CAMK1D: variants seen among roughly 807,000 people sequenced by gnomAD.
CAMK1D encodes calcium/calmodulin-dependent protein kinase type 1D.
CAMK1D carries 9 observed loss-of-function variants against 47.7 expected under a neutral mutation model. The observed-to-expected ratio is 0.19, with a 90% CI of 0.11 to 0.33. The LOEUF (loss-of-function observed/expected upper bound fraction) is 0.33. Among genes scored for constraint, CAMK1D ranks in the 10% least tolerant of loss-of-function variants. The probability of loss-of-function intolerance (pLI) is 1.00; values close to 1 mark genes in which losing one functional copy is unlikely to be tolerated. For synonymous variants in CAMK1D, 184 were observed against 184.9 expected (o/e 0.99, Z 0.04); for missense variants, 291 against 488.7 (o/e 0.60, Z 3.81).
intron 6 of CAMK1D, among the ~76,000 whole-genome samples, chr10:12,796,967 G>A (rs1372343841): frequency 6.6e-6 from 1 of 152,236 alleles, no homozygotes; most frequent in African/African-American, 2.4e-5. Context: ...AATTGGATAT[G>A]CATGTCAGCA....
At chr10:12,492,012 T>C (rs996210464) in intron 1 of CAMK1D, among the ~76,000 whole-genome samples, 2 of 152,178 alleles carry the variant, frequency 1.3e-5, no homozygotes, top group African/African-American at 4.8e-5. Context: ...CTCGAACTCC[T>C]GACCTCAAGT....
chr10:12,589,607 C>T (rs141473979), intron 2 of CAMK1D, among the ~76,000 whole-genome samples: 1 of 152,202 alleles, frequency 6.6e-6, no homozygotes. Flanking sequence ...TCTTCCCTGG[C>T]CCTTTTCTTA....
rs142732159 is a variant in CAMK1D, at chr10:12,692,111, T to C, written c.299+25301T>C. On this transcript the variant is annotated intron_variant, in intron 3 of 10. Coordinates refer to ENST00000619168, the MANE Select transcript of CAMK1D (RefSeq NM_153498.4). ...TTATTTAAGCCAAATGGTTGAATTG[T>C]TTTTCTGTAGCACAAAGGGCTGTAT... Among the ~76,000 whole-genome samples the C allele has an allele frequency of 1.2e-3, 187 of 152,298 alleles. 1 individual carries two copies. The highest frequency in any genetic ancestry group is 4.2e-3 in the African/African-American group (176 of 41,554).
chr10:12,819,142 CAAA>C (rs2131098890), intron 8 of CAMK1D, among the ~76,000 whole-genome samples: 1 of 152,232 alleles, frequency 6.6e-6, no homozygotes, highest in South Asian at 2.1e-4. Flanking sequence ...TTGGAAAAAA[CAAA>C]GAAGGGAGAG....
chr10:12,771,450 G>A (rs949472126), intron 5 of CAMK1D, among the ~76,000 whole-genome samples: 1 of 152,232 alleles, frequency 6.6e-6, no homozygotes, highest in Non-Finnish European at 1.5e-5. Flanking sequence ...GGGCCACTTT[G>A]TGGCCTTTCA....
At chr10:12,368,716 C>T (rs937513827) in intron 1 of CAMK1D, among the ~76,000 whole-genome samples, 2 of 150,544 alleles carry the variant, frequency 1.3e-5, no homozygotes, top group African/African-American at 4.9e-5. Context: ...TGCACTCCAG[C>T]CTGGGTGGCA....
At chr10:12,700,595 G>A (rs7094047) in intron 3 of CAMK1D, among the ~76,000 whole-genome samples, 126,743 of 152,162 alleles carry the variant, frequency 0.83, 53,634 homozygotes, top group South Asian at 0.92. Context: ...CTGTAGCACT[G>A]TGCCTGCGGC....
intron 3 of CAMK1D, chr10:12,760,543 G>A (rs557763021): frequency 6.2e-4 from 99 of 159,366 alleles, no homozygotes; most frequent in African/African-American, 2.3e-3. Flanking sequence ...GCAGGCCAGC[G>A]TTTTGCCCAC....
chr10:12,721,723 T>C (rs899643509), intron 3 of CAMK1D, among the ~76,000 whole-genome samples: 1 of 152,112 alleles, frequency 6.6e-6, no homozygotes, highest in Non-Finnish European at 1.5e-5. Context: ...TGCCTCCAGA[T>C]AGTAGTCATT....
chr10:12,595,601 C>T (rs190195888), intron 2 of CAMK1D, among the ~76,000 whole-genome samples: 269 of 151,990 alleles, frequency 1.8e-3, no homozygotes, highest in African/African-American at 6.3e-3. Flanking sequence ...TCAAGTCCAA[C>T]GTGCGTGCTC....
chr10:12,456,314 A>G (rs1588505185), intron 1 of CAMK1D, among the ~76,000 whole-genome samples: 1 of 152,268 alleles, frequency 6.6e-6, no homozygotes, highest in Non-Finnish European at 1.5e-5. Context: ...AATTCCACCC[A>G]TATTAACTAG....
intron 1 of CAMK1D, among the ~76,000 whole-genome samples, chr10:12,440,377 C>T (rs1007648870): frequency 6.6e-5 from 10 of 151,740 alleles, no homozygotes; most frequent in African/African-American, 1.2e-4. Flanking sequence ...CTCCGCCTTC[C>T]GGAGGCAGGA....
At chr10:12,653,416 A>G (rs1163305071) in intron 2 of CAMK1D, among the ~76,000 whole-genome samples, 2 of 152,240 alleles carry the variant, frequency 1.3e-5, no homozygotes, top group African/African-American at 2.4e-5. Context: ...ATTATGTTTA[A>G]AAACACACAT....
intron 3 of CAMK1D, among the ~76,000 whole-genome samples, chr10:12,689,561 G>A (rs1832791854): frequency 6.6e-6 from 1 of 152,132 alleles, no homozygotes. Flanking sequence ...CGGATCACCT[G>A]AGGCCAGGAG....
intron 1 of CAMK1D, among the ~76,000 whole-genome samples, chr10:12,452,592 CT>C (rs369439055): frequency 0.022 from 3,154 of 146,254 alleles, 87 homozygotes; most frequent in South Asian, 0.1. Context: ...ACCATTTTGA[CT>C]TTTTTTTTTT....
chr10:12,559,837 C>G (rs1185003073), intron 2 of CAMK1D, among the ~76,000 whole-genome samples: 1 of 152,022 alleles, frequency 6.6e-6, no homozygotes, highest in African/African-American at 2.4e-5. Flanking sequence ...GTGCCAAGTA[C>G]TTCACAAGAG....
At chr10:12,486,857 G>C (rs774703253) in intron 1 of CAMK1D, among the ~76,000 whole-genome samples, 1 of 152,164 alleles carries the variant, frequency 6.6e-6, no homozygotes, top group Non-Finnish European at 1.5e-5. Flanking sequence ...AGGATCACTT[G>C]AGCCCAGGAG....
chr10:12,671,743 TACC>T (rs1362123604), intron 3 of CAMK1D, among the ~76,000 whole-genome samples: 1 of 151,988 alleles, frequency 6.6e-6, no homozygotes, highest in Non-Finnish European at 1.5e-5. Flanking sequence ...ACAAATATCT[TACC>T]AGACATGATT....
intron 2 of CAMK1D, among the ~76,000 whole-genome samples, chr10:12,629,829 C>T (rs1839325816): frequency 1.3e-5 from 2 of 152,220 alleles, no homozygotes; most frequent in Non-Finnish European, 2.9e-5. Context: ...TTGAGACCTT[C>T]GAGTGGGTCC....
Sources: allele counts gnomAD v4.1 joint callset (sites outside exome capture counted in the v4.1 genomes callset), GRCh38; gene constraint gnomAD v4.1.1; transcripts MANE v1.5; gene names NCBI Gene and HGNC (gene_info 2026-07-23, HGNC 2026-07-21).